IRAK1: variants seen among roughly 807,000 people sequenced by gnomAD.
The protein encoded by IRAK1 is interleukin 1 receptor associated kinase 1.
A neutral mutation model predicts 49.8 loss-of-function variants in IRAK1; 9 were observed. The ratio of observed to expected loss-of-function variants is 0.18; its 90% confidence interval spans 0.11 to 0.32. The LOEUF (loss-of-function observed/expected upper bound fraction) is 0.32. Ranked by LOEUF, IRAK1 falls within the 10% of genes least tolerant of loss-of-function variation. The pLI, the probability that IRAK1 is intolerant of heterozygous loss-of-function variation, is 1.00. For synonymous variants in IRAK1, 282 were observed against 270.8 expected (o/e 1.04, Z -0.41); for missense variants, 418 against 600.5 (o/e 0.70, Z 3.18).
chrX:154,018,416 G>A (rs1557130140), intron 5 of IRAK1, 61 bp from the exon 6 acceptor site: 35 of 1,030,725 alleles, frequency 3.4e-5, no homozygotes, highest in Non-Finnish European at 4.2e-5. Flanking sequence ...TGAGGCTCTC[G>A]AAGCGAAGGC....
intron 7 of IRAK1, 30 bp downstream of exon 7, chrX:154,017,976 T>C: frequency 9.3e-7 from 1 of 1,077,635 alleles, no homozygotes; most frequent in Non-Finnish European, 1.3e-6. Context: ...CTTTGGGTCC[T>C]GGGAAGCGTG....
Position 154,012,626 on chromosome X carries a change from G to A in IRAK1, c.1983C>T (p.Ile661=), listed in dbSNP as rs192972585. 1.7e-6 allele frequency: 2 copies of A among 1,210,513 alleles called. No individual in the cohort carries two copies. The highest frequency in any genetic ancestry group is 3.0e-5 in the East Asian group (1 of 33,786). The part of the protein sequence containing the change: ...ASSSSEPPQI[I]INPARQKMVQ... ...CCATCTTCTGTCGGGCAGGGTTGAT[G>A]ATAATCTGCGGTGGCTCTGACGACG... Residue 661 remains isoleucine, a synonymous_variant, in exon 13 of 14, where the codon ATC becomes ATT. Transcript: ENST00000369980.
rs2065725845 is a variant in IRAK1 at position 154,014,572 on chromosome X, T to C, written c.1303-294A>G. ...ACTCATTCTGTCACCCAGGCTGGAG[T>C]GCAGTGGTGCAATCATGGCTCAGTG... On this transcript the variant is annotated intron_variant, in intron 10 of 13. Transcript: ENST00000369980. Among the ~76,000 whole-genome samples, 4 of 110,051 alleles carry C rather than the reference T, an allele frequency of 3.6e-5. No individual in the cohort carries two copies. In the Admixed American group the frequency reaches 3.9e-4, roughly 11 times the overall value.
intron 10 of IRAK1, 85 bp downstream of exon 10, chrX:154,015,947 G>A: frequency 2.5e-6 from 2 of 803,936 alleles, no homozygotes; most frequent in Non-Finnish European, 3.8e-6. Context: ...TGGGCACTGC[G>A]CCCCAGTTAT....
intron 5 of IRAK1, 65 bp from the exon 6 acceptor site, chrX:154,018,420 C>T (rs972834572): frequency 6.9e-6 from 7 of 1,011,876 alleles, no homozygotes; most frequent in South Asian, 3.9e-5. Flanking sequence ...GCTCTCGAAG[C>T]GAAGGCCTTC....
intron 10 of IRAK1, chrX:154,014,524 C>T (rs2065725598): frequency 1.4e-5 from 5 of 369,081 alleles, no homozygotes; most frequent in Admixed American, 5.3e-5. Context: ...CTTTCTACAA[C>T]TTACTTTTTT....
chrX:154,012,319 G>A (rs899555342), intron 13 of IRAK1, among the ~76,000 whole-genome samples: 7 of 113,000 alleles, frequency 6.2e-5, no homozygotes, highest in Middle Eastern at 4.6e-3. Flanking sequence ...TCGGGCTAAA[G>A]GAGGTGCTAC....
chrX:154,015,888 G>A (rs1226482239), intron 10 of IRAK1, 144 bp downstream of exon 10: 9 of 532,739 alleles, frequency 1.7e-5, no homozygotes, highest in Non-Finnish European at 2.7e-5. Context: ...GTTGTTTGGA[G>A]CCCTGCCTAC....
rs940268119 is a variant in IRAK1 at position 154,016,026 on chromosome X, G to T, written c.1302+6C>A. ...GTCCCTCCTGGCCCTGCCTCAAGGGGCTCACCAGATACTTGGTCCTGGCAC... is the reference window on the plus strand; with the variant it reads ...GTCCCTCCTGGCCCTGCCTCAAGGGTCTCACCAGATACTTGGTCCTGGCAC... On this transcript the variant is annotated splice_donor_region_variant and intron_variant, in intron 10 of 13. Transcript: ENST00000369980. 8.3e-7 allele frequency: 1 copy of T among 1,203,766 alleles called. No individual in the cohort carries two copies. The highest frequency in any genetic ancestry group is 1.7e-5 in the African/African-American group (1 of 57,197).
chrX:154,011,974 GA>G (rs2065701965), intron 13 of IRAK1, 57 bp from the exon 14 acceptor site: 7 of 1,048,725 alleles, frequency 6.7e-6, no homozygotes, highest in Admixed American at 2.2e-5. Flanking sequence ...CCTACTGCCA[GA>G]AGCCCTGGCT....
chrX:154,019,286 G>A lies in IRAK1; in HGVS notation c.347C>T (p.Pro116Leu), dbSNP rs782115156. 8.5e-7 allele frequency: 1 copy of A among 1,181,334 alleles called. No homozygotes were observed. The highest frequency in any genetic ancestry group is 1.9e-5 in the South Asian group (1 of 53,014). Residue 116 changes from proline to leucine, a missense_variant, in exon 3 of 14, where the codon CCG becomes CTG. By Grantham distance (98) the Pro-to-Leu change is moderately conservative. This residue lies in a region of IRAK1 where 377 missense variants were observed against 499.5 expected (regional missense o/e 0.75). Transcript: ENST00000369980. Reference protein sequence around the residue: ...APLPSPGTTAPRPSSIPAPAE... With the variant: ...APLPSPGTTALRPSSIPAPAE... ...GGGTGCAGGGATGCTGCTGGGCCTC[G>A]GGGCAGTGGTGCCTGGGGACGGAAG...
chrX:154,013,087 G>A lies in IRAK1; in HGVS notation c.1886C>T (p.Ser629Leu), dbSNP rs782189918. The A allele has an allele frequency of 6.6e-6, 8 of 1,209,068 alleles. No homozygotes were observed. The highest frequency in any genetic ancestry group is 4.3e-5 in the Admixed American group (2 of 45,980). ...GGATCCTGGGCCACTCCCCCAGCTC[G>A]ATTCTCCTGCCGTGTCCCCCTGAGG... is the stretch of plus-strand genomic sequence containing the variant. ...GCPQGDTAGE[S>L]SWGSGPGSRP... is the part of the protein sequence containing the mutation. The change falls in exon 12 of 14, where the codon TCG (serine) becomes TTG (leucine). Residue 629 changes from serine to leucine, a missense_variant. By Grantham distance (145) the Ser-to-Leu change is moderately radical. This residue lies in a region of IRAK1 where 377 missense variants were observed against 499.5 expected (regional missense o/e 0.75). Transcript: ENST00000369980.
chrX:154,012,105 G>A (rs1298814960), intron 13 of IRAK1, among the ~76,000 whole-genome samples, 188 bp from the exon 14 acceptor site: 3 of 112,697 alleles, frequency 2.7e-5, no homozygotes. Flanking sequence ...GAGTGCAGTG[G>A]CTTGATCACA....
chrX:154,016,083 G>GCACACA lies in IRAK1; in HGVS notation c.1250_1251insTGTGTG (p.Thr417_Leu418insValCys). On this transcript the variant is annotated inframe_insertion, in exon 10 of 14. Coordinates refer to ENST00000369980, the MANE Select transcript of IRAK1 (RefSeq NM_001569.4). Reference sequence around the variant, plus strand: ...TCTTCACAGCCCTCTGACCAGCCAAGGTCTCTAGCACTACCTGGAGAGAGG... The same window carrying GCACACA: ...TCTTCACAGCCCTCTGACCAGCCAAGCACACAGTCTCTAGCACTACCTGGAGAGAGG... The GCACACA allele has an allele frequency of 8.3e-7, 1 of 1,208,940 alleles. No individual in the cohort carries two copies. The highest frequency in any genetic ancestry group is 1.1e-6 in the Non-Finnish European group (1 of 892,778).
At position 154,011,871 on chromosome X, in the gene IRAK1, T is replaced by C. The variant is rs782059363; in HGVS notation, c.2127A>G (p.Glu709=). 6.6e-6 allele frequency: 8 copies of C among 1,209,935 alleles called. No individual in the cohort carries two copies. The highest frequency in any genetic ancestry group is 1.7e-5 in the African/African-American group (1 of 57,471). ...CCAGGTGAACACATCAGCTCTGAAA[T>C]TCATCACTTTCTTCGGGCCCCTGCC... ...QDRQGPEESD[E]FQS is the part of the protein sequence containing the mutation. The change falls in exon 14 of 14, where the codon GAA becomes GAG. Residue 709 remains glutamate (E), a synonymous_variant. Coordinates refer to ENST00000369980, the MANE Select transcript of IRAK1 (RefSeq NM_001569.4).
At chrX:154,012,949 T>G in intron 12 of IRAK1, 94 bp downstream of exon 12, 1 of 1,082,433 alleles carries the variant, frequency 9.2e-7, no homozygotes, top group Non-Finnish European at 1.2e-6. Context: ...CATTTGGCCC[T>G]GGTTCTCTTC....
intron 10 of IRAK1, 77 bp from the exon 11 acceptor site, chrX:154,014,355 A>G: frequency 2.3e-6 from 2 of 877,273 alleles, no homozygotes; most frequent in Non-Finnish European, 1.6e-6. Flanking sequence ...TTGTCACTCA[A>G]TCGTATGGGT....
Position 154,012,615 on chromosome X carries a change from G to A in IRAK1, c.1994C>T (p.Ala665Val). 8.3e-7 allele frequency: 1 copy of A among 1,211,649 alleles called. No individual in the cohort carries two copies. The highest frequency in any genetic ancestry group is 2.2e-5 in the Admixed American group (1 of 46,129). ...SEPPQIIINP[A>V]RQKMVQKLAL... Reference sequence around the variant, plus strand: ...CAGCTTCTGGACCATCTTCTGTCGGGCAGGGTTGATGATAATCTGCGGTGG... The same window carrying A: ...CAGCTTCTGGACCATCTTCTGTCGGACAGGGTTGATGATAATCTGCGGTGG... Residue 665 changes from alanine (A) to valine (V), a missense_variant, in exon 13 of 14, where the codon GCC becomes GTC. Physicochemically the swap from Ala to Val is moderately conservative, Grantham distance 64. Around this residue, in one of 3 missense-constraint regions of IRAK1, gnomAD observed 377 missense variants for 499.5 expected, o/e 0.75. Transcript: ENST00000369980.
rs2065700656 is a variant in IRAK1, at chrX:154,011,831, A to G, written c.*28T>C. On this transcript the variant is annotated 3_prime_UTR_variant, in exon 14 of 14. Transcript: ENST00000369980. The stretch of plus-strand genomic sequence containing the variant: ...TGACCATGAGAACTTTGACTTCCGG[A>G]TTTGGGGGATCTGCCCAGGTGAACA... 3 of 1,196,041 alleles carry G rather than the reference A, an allele frequency of 2.5e-6. No homozygotes were observed. The highest frequency in any genetic ancestry group is 2.3e-6 in the Non-Finnish European group (2 of 881,098).
Sources: allele counts gnomAD v4.1 joint callset (sites outside exome capture counted in the v4.1 genomes callset), GRCh38; gene constraint gnomAD v4.1.1; regional missense constraint gnomAD v4.1.1; transcripts MANE v1.5; gene names NCBI Gene and HGNC (gene_info 2026-07-23, HGNC 2026-07-21).